The following PDE11A variants were observed in gnomAD, a reference collection of about 807,000 sequenced individuals.
The protein encoded by PDE11A is phosphodiesterase 11A.
In PDE11A, 100 loss-of-function variants were observed where a neutral mutation model predicts 100.5. The observed-to-expected ratio is 1.00, with a 90% confidence interval of 0.85 to 1.18. PDE11A has a LOEUF of 1.18. PDE11A is among the 50% of genes most tolerant of loss of function. The pLI, the probability that PDE11A is intolerant of heterozygous loss-of-function variation, is 0.00. For synonymous variants in PDE11A, 381 were observed against 420.8 expected (o/e 0.91, Z 1.16); for missense variants, 1,141 against 1,152.6 (o/e 0.99, Z 0.15).
At chr2:177,869,207 T>C (rs781469738) in intron 5 of PDE11A, among the ~76,000 whole-genome samples, 25 of 152,232 alleles carry the variant, frequency 1.6e-4, no homozygotes, top group South Asian at 6.2e-4. Flanking sequence ...AAACAACACC[T>C]ATTTATTATC....
intron 2 of PDE11A, among the ~76,000 whole-genome samples, chr2:177,959,314 C>T (rs1264348512): frequency 2.0e-5 from 3 of 152,158 alleles, no homozygotes; most frequent in African/African-American, 4.8e-5. Context: ...TGCAGGACCT[C>T]GGAAGCCAGG....
At chr2:178,089,602 G>A (rs1257631119) in intron 2 of PDE11A, among the ~76,000 whole-genome samples, 1 of 152,206 alleles carries the variant, frequency 6.6e-6, no homozygotes, top group African/African-American at 2.4e-5. Context: ...CACAGTTCTT[G>A]CTAAAACTGC....
chr2:177,916,782 T>G (rs2084959409), intron 2 of PDE11A, among the ~76,000 whole-genome samples: 1 of 151,744 alleles, frequency 6.6e-6, no homozygotes, highest in African/African-American at 2.4e-5. Flanking sequence ...ATTTATGAGA[T>G]GGAGTCTTGC....
At chr2:177,711,395 AT>A (rs1214626874) in intron 13 of PDE11A, among the ~76,000 whole-genome samples, 1 of 152,254 alleles carries the variant, frequency 6.6e-6, no homozygotes, top group East Asian at 1.9e-4. Context: ...GCTTCATCAA[AT>A]TTCCTAAGAC....
At chr2:177,649,417 A>T (rs2080274805) in intron 19 of PDE11A, among the ~76,000 whole-genome samples, 2 of 152,216 alleles carry the variant, frequency 1.3e-5, no homozygotes. Flanking sequence ...TCATCTTTAA[A>T]ATCTAATACT....
At chr2:177,737,449 A>AC (rs55844103) in intron 10 of PDE11A, among the ~76,000 whole-genome samples, 7 of 148,144 alleles carry the variant, frequency 4.7e-5, no homozygotes, top group East Asian at 2.0e-4. Flanking sequence ...ACACACACAC[A>AC]AATTAGCCAG....
intron 1 of PDE11A, among the ~76,000 whole-genome samples, chr2:178,021,506 A>G (rs2086411308): frequency 6.6e-6 from 1 of 152,230 alleles, no homozygotes; most frequent in African/African-American, 2.4e-5. Flanking sequence ...TGAGGCATAA[A>G]TGAATTATAG....
chr2:177,639,044 C>G (rs1008217032), intron 19 of PDE11A, among the ~76,000 whole-genome samples: 1 of 152,134 alleles, frequency 6.6e-6, no homozygotes, highest in African/African-American at 2.4e-5. Flanking sequence ...TTTGGCCTCC[C>G]TAGACTCCTA....
chr2:177,634,811 A>T (rs1483352792), intron 19 of PDE11A, among the ~76,000 whole-genome samples: 1 of 152,250 alleles, frequency 6.6e-6, no homozygotes, highest in Non-Finnish European at 1.5e-5. Context: ...TATGGTGATT[A>T]TGTGTAGTGA....
intron 5 of PDE11A, among the ~76,000 whole-genome samples, chr2:177,862,932 A>G (rs2083967719): frequency 6.6e-6 from 1 of 152,018 alleles, no homozygotes; most frequent in South Asian, 2.1e-4. Context: ...ATTTCAAATT[A>G]TATTACAAAG....
At chr2:178,059,258 G>T (rs917385798) in intron 1 of PDE11A, among the ~76,000 whole-genome samples, 3 of 152,142 alleles carry the variant, frequency 2.0e-5, no homozygotes, top group African/African-American at 4.8e-5. Flanking sequence ...TGTCTAGCAG[G>T]GTCCAGGGTA....
At chr2:177,922,579 C>A (rs1314263200) in intron 2 of PDE11A, 1 of 548,510 alleles carries the variant, frequency 1.8e-6, no homozygotes, top group Non-Finnish European at 2.3e-6. Flanking sequence ...AACCCAAAAA[C>A]CTGGAGCCAT....
chr2:177,901,754 T>G (rs2084701565), intron 3 of PDE11A, among the ~76,000 whole-genome samples: 1 of 152,214 alleles, frequency 6.6e-6, no homozygotes, highest in Admixed American at 6.5e-5. Context: ...CTGTTATTAA[T>G]GGGGAAAACA....
chr2:177,929,357 GT>G (rs2085175831), intron 2 of PDE11A, among the ~76,000 whole-genome samples: 1 of 152,188 alleles, frequency 6.6e-6, no homozygotes, highest in Non-Finnish European at 1.5e-5. Context: ...TGGGCAAAAT[GT>G]TCAGGAACAC....
intron 1 of PDE11A, among the ~76,000 whole-genome samples, chr2:178,040,009 G>A (rs976716158): frequency 2.3e-4 from 34 of 150,324 alleles, no homozygotes; most frequent in African/African-American, 7.1e-4. Context: ...GTGGTGACAA[G>A]AGGAAGGATA....
At chr2:178,066,870 T>C (rs563248063) in intron 1 of PDE11A, among the ~76,000 whole-genome samples, 3 of 152,308 alleles carry the variant, frequency 2.0e-5, no homozygotes, top group South Asian at 2.1e-4. Flanking sequence ...GAGCTTGCTA[T>C]GGATTAGGGG....
intron 1 of PDE11A, among the ~76,000 whole-genome samples, chr2:178,033,777 C>G (rs983300493): frequency 2.6e-5 from 4 of 152,092 alleles, no homozygotes; most frequent in African/African-American, 9.7e-5. Context: ...AGTTTTCAAC[C>G]CAGAATTTCA....
intron 1 of PDE11A, among the ~76,000 whole-genome samples, chr2:178,061,911 C>G (rs1006092014): frequency 6.6e-6 from 1 of 152,184 alleles, no homozygotes; most frequent in Admixed American, 6.5e-5. Flanking sequence ...ATGACAGTAG[C>G]TCTTCTTCCC....
chr2:177,833,205 C>A (rs2083338992), intron 6 of PDE11A, among the ~76,000 whole-genome samples: 2 of 152,138 alleles, frequency 1.3e-5, no homozygotes, highest in Non-Finnish European at 2.9e-5. Context: ...AAACCTGGTG[C>A]CTGGATGTCT....
Sources: allele counts gnomAD v4.1 joint callset (sites outside exome capture counted in the v4.1 genomes callset), GRCh38; gene constraint gnomAD v4.1.1; transcripts MANE v1.5; gene names NCBI Gene and HGNC (gene_info 2026-07-23, HGNC 2026-07-21).